Variants in MAPKAP1 observed in about 807,000 individuals in gnomAD.
MAPKAP1 encodes target of rapamycin complex 2 subunit MAPKAP1.
In MAPKAP1, 20 loss-of-function variants were observed where a neutral mutation model predicts 65.7. That is an observed-to-expected ratio of 0.30 (90% CI 0.21 to 0.44). The LOEUF (loss-of-function observed/expected upper bound fraction) is 0.44. Ranked by LOEUF, MAPKAP1 falls within the 20% of genes least tolerant of loss-of-function variation. The pLI, the probability that MAPKAP1 is intolerant of heterozygous loss-of-function variation, is 1.00. For synonymous variants in MAPKAP1, 222 were observed against 244.3 expected (o/e 0.91, Z 0.85); for missense variants, 423 against 648.0 (o/e 0.65, Z 3.77).
rs1852385811 is a variant in MAPKAP1, at chr9:125,439,050, C to A, written c.1444-38G>T. On this transcript the variant is annotated intron_variant, in intron 11 of 11. Coordinates refer to ENST00000265960, the MANE Select transcript of MAPKAP1 (RefSeq NM_001006617.3). This position sits in a 1 kb window ranked among gnomAD's most constrained non-coding sequence, Gnocchi z 4.0. ...GCACACAGCCCGGTCACCTTGCCAG[C>A]CGCTCCCTACCCACCCAGGGCATCG... is the stretch of plus-strand genomic sequence containing the variant. 1 of 1,606,568 alleles carries A rather than the reference C, an allele frequency of 6.2e-7. No individual in the cohort carries two copies. The highest frequency in any genetic ancestry group is 8.5e-7 in the Non-Finnish European group (1 of 1,176,404).
intron 7 of MAPKAP1, among the ~76,000 whole-genome samples, chr9:125,515,412 C>CA (rs1829431762): frequency 6.6e-6 from 1 of 152,214 alleles, no homozygotes; most frequent in Non-Finnish European, 1.5e-5. Flanking sequence ...GGCTTGATGT[C>CA]AGGAGCTCTA....
At chr9:125,626,267 A>C (rs1325995057) in intron 4 of MAPKAP1, among the ~76,000 whole-genome samples, 1 of 152,218 alleles carries the variant, frequency 6.6e-6, no homozygotes, top group Non-Finnish European at 1.5e-5. Context: ...AGGCTCTCTC[A>C]AAAGTGCCTG....
intron 4 of MAPKAP1, among the ~76,000 whole-genome samples, chr9:125,587,216 G>A (rs2131582623): frequency 6.6e-6 from 1 of 152,274 alleles, no homozygotes; most frequent in Non-Finnish European, 1.5e-5. Context: ...TCTTTAATAT[G>A]ACACCAAAAG....
At position 125,696,619 on chromosome 9, in the gene MAPKAP1, A is replaced by C. The variant is rs1241815563; in HGVS notation, c.-70+10352T>G. 3.3e-5 allele frequency among the ~76,000 whole-genome samples: 5 copies of C among 152,096 alleles called. No homozygotes were observed. The South Asian group carries it at 8.3e-4, about 25-fold the overall frequency. On this transcript the variant is annotated intron_variant, in intron 1 of 11. Transcript: ENST00000265960. ...TATAAATGCATATATGAAAAAAAAA[A>C]CAAAAAACCTTAAGCTTATCTAGTC...
Position 125,439,012 on chromosome 9 carries a change from C to G in MAPKAP1, c.1444G>C (p.Val482Leu). ...GCTCGCGATTCCAGGATGTAGTTAACCTAGAAACAAGAGCACACAGCCCGG... is the reference window on the plus strand; with the variant it reads ...GCTCGCGATTCCAGGATGTAGTTAAGCTAGAAACAAGAGCACACAGCCCGG... The part of the protein sequence containing the change: ...AATVNEIVLK[V>L]NYILESRAST... The change falls in exon 12 of 12, where the codon GTT becomes CTT. Residue 482 changes from valine to leucine, a missense_variant and splice_region_variant. Coordinates refer to ENST00000265960, the MANE Select transcript of MAPKAP1 (RefSeq NM_001006617.3). This position sits in a 1 kb window ranked among gnomAD's most constrained non-coding sequence, Gnocchi z 4.0. 6.2e-7 allele frequency: 1 copy of G among 1,613,446 alleles called. No homozygotes were observed.
chr9:125,457,988 A>G (rs1430936263), intron 10 of MAPKAP1, among the ~76,000 whole-genome samples: 4 of 152,210 alleles, frequency 2.6e-5, no homozygotes, highest in Admixed American at 6.5e-5. Context: ...GCTCAGTGAG[A>G]CTGCCATACT....
At chr9:125,517,027 C>T (rs1313825776) in intron 7 of MAPKAP1, among the ~76,000 whole-genome samples, 1 of 152,282 alleles carries the variant, frequency 6.6e-6, no homozygotes, top group Non-Finnish European at 1.5e-5. Flanking sequence ...GCGGTAGGCC[C>T]TACAATAATC....
chr9:125,466,864 A>G (rs1853700994), intron 10 of MAPKAP1, among the ~76,000 whole-genome samples: 2 of 152,144 alleles, frequency 1.3e-5, no homozygotes, highest in Admixed American at 1.3e-4. Flanking sequence ...CCCACCCATA[A>G]ATGAAGCAAT....
intron 1 of MAPKAP1, among the ~76,000 whole-genome samples, chr9:125,698,031 C>T (rs1277819173): frequency 6.6e-6 from 1 of 151,464 alleles, no homozygotes; most frequent in African/African-American, 2.4e-5. Context: ...ATATCCAAAT[C>T]CAGAGCAGCA....
At chr9:125,585,418 T>C in intron 5 of MAPKAP1, 137 bp downstream of exon 5, 1 of 853,346 alleles carries the variant, frequency 1.2e-6, no homozygotes, top group Non-Finnish European at 1.8e-6. Flanking sequence ...GCGCGAGACC[T>C]GGTGAGCACC....
At chr9:125,665,959 T>C (rs571927938) in intron 3 of MAPKAP1, among the ~76,000 whole-genome samples, 1 of 152,354 alleles carries the variant, frequency 6.6e-6, no homozygotes, top group East Asian at 1.9e-4. Context: ...AGGATTCATG[T>C]AGTCCTCCTA....
intron 4 of MAPKAP1, among the ~76,000 whole-genome samples, chr9:125,648,354 T>C (rs1399474059): frequency 6.6e-6 from 1 of 152,194 alleles, no homozygotes; most frequent in Non-Finnish European, 1.5e-5. Context: ...AGTTGTAGTT[T>C]TCCCATCTGT....
intron 1 of MAPKAP1, among the ~76,000 whole-genome samples, chr9:125,693,834 T>TACACAC (rs1430763244): frequency 0.011 from 981 of 87,812 alleles, 17 homozygotes; most frequent in African/African-American, 0.039. Flanking sequence ...CACACACATA[T>TACACAC]ATATACACAC....
chr9:125,550,788 A>G (rs1387620231), intron 6 of MAPKAP1, among the ~76,000 whole-genome samples: 1 of 152,252 alleles, frequency 6.6e-6, no homozygotes, highest in Non-Finnish European at 1.5e-5. Flanking sequence ...GACAATCTGG[A>G]CAATGAAAAT....
intron 3 of MAPKAP1, among the ~76,000 whole-genome samples, chr9:125,658,344 T>C (rs544669789): frequency 6.6e-6 from 1 of 152,336 alleles, no homozygotes; most frequent in East Asian, 1.9e-4. Context: ...ATAATAACAG[T>C]AGCTAACATT....
intron 9 of MAPKAP1, among the ~76,000 whole-genome samples, chr9:125,479,517 T>C (rs10986774): frequency 6.6e-6 from 1 of 151,428 alleles, no homozygotes; most frequent in South Asian, 2.1e-4. Flanking sequence ...GAGGCGGAGG[T>C]TGCAGTGAGC....
At chr9:125,493,089 T>G (rs528701764) in intron 8 of MAPKAP1, among the ~76,000 whole-genome samples, 3 of 149,770 alleles carry the variant, frequency 2.0e-5, no homozygotes, top group African/African-American at 2.5e-5. Context: ...GAAAAGAAAA[T>G]GGTGGGGGTG....
chr9:125,448,286 A>G (rs1400796034), intron 10 of MAPKAP1, among the ~76,000 whole-genome samples: 1 of 152,226 alleles, frequency 6.6e-6, no homozygotes, highest in Non-Finnish European at 1.5e-5. Context: ...ATCAGAATTC[A>G]CACTTTCATA....
intron 7 of MAPKAP1, among the ~76,000 whole-genome samples, chr9:125,511,469 ACT>A (rs1829299995): frequency 1.3e-5 from 2 of 152,106 alleles, no homozygotes; most frequent in African/African-American, 4.8e-5. Context: ...CCAGGCCTGC[ACT>A]CTCTATATTG....
Sources: allele counts gnomAD v4.1 joint callset (sites outside exome capture counted in the v4.1 genomes callset), GRCh38; gene constraint gnomAD v4.1.1; non-coding constraint Gnocchi (gnomAD v3.1); transcripts MANE v1.5; gene names NCBI Gene and HGNC (gene_info 2026-07-23, HGNC 2026-07-21).